The following ATP2C1 variants were observed in gnomAD, a reference collection of about 807,000 sequenced individuals.
ATP2C1 encodes calcium-transporting ATPase type 2C member 1.
Under a neutral mutation model 120.5 loss-of-function variants are expected in ATP2C1, and 31 were observed. That is an observed-to-expected ratio of 0.26 (90% confidence interval 0.19 to 0.35). ATP2C1 has a LOEUF of 0.35. ATP2C1 is among the 10% of genes least tolerant of loss of function. The pLI is 1.00. For missense variants in ATP2C1, 731 were observed against 1,107.5 expected, an observed-to-expected ratio of 0.66 and a Z score of 4.83; for synonymous variants, 351 against 358.7, an observed-to-expected ratio of 0.98 and a Z score of 0.24.
chr3:130,863,772 G>C (rs1366525705), intron 1 of ATP2C1, among the ~76,000 whole-genome samples: 1 of 152,138 alleles, frequency 6.6e-6, no homozygotes, highest in Non-Finnish European at 1.5e-5. Flanking sequence ...AGGGGTTTCT[G>C]CTTTTGCTTC....
chr3:130,906,251 T>C (rs1393705754), intron 2 of ATP2C1, among the ~76,000 whole-genome samples: 1 of 152,052 alleles, frequency 6.6e-6, no homozygotes, highest in East Asian at 1.9e-4. Flanking sequence ...CCCCTTTCGC[T>C]AGCCCCTGGT....
chr3:130,956,928 A>G (rs956195490), intron 11 of ATP2C1, among the ~76,000 whole-genome samples: 1 of 152,036 alleles, frequency 6.6e-6, no homozygotes, highest in South Asian at 2.1e-4. Flanking sequence ...AGCTTTTTAT[A>G]TGACTAGATT....
chr3:130,939,975 G>A (rs1299722136), intron 6 of ATP2C1, among the ~76,000 whole-genome samples: 4 of 152,174 alleles, frequency 2.6e-5, no homozygotes, highest in African/African-American at 9.6e-5. Flanking sequence ...GACTGCTCAT[G>A]GAAATGTGGA....
rs1298413924 is a variant in ATP2C1 at position 131,001,688 on chromosome 3, T to C, written c.*338T>C. 6.2e-6 allele frequency: 6 copies of C among 972,950 alleles called. No homozygotes were observed. Among genetic ancestry groups the C allele is most frequent in the Middle Eastern group, 5.2e-4 (1 of 1,906 alleles). 60.3% of individuals were successfully genotyped at this position (972,950 alleles called of 1,614,324 possible). The stretch of plus-strand genomic sequence containing the variant: ...AAATACACTATCTATCTTAGATAGA[T>C]ATATTTTTTTTTATTTTTAAATATT... On this transcript the variant is annotated 3_prime_UTR_variant, in exon 28 of 28. Coordinates refer to ENST00000510168, the MANE Select transcript of ATP2C1 (RefSeq NM_001378687.1).
chr3:130,970,919 T>C lies in ATP2C1; in HGVS notation c.1413+1523T>C, dbSNP rs542109379. On this transcript the variant is annotated intron_variant, in intron 17 of 27. Transcript: ENST00000510168. ...TTGAATTGAAGTCTTCCAGGAACTA[T>C]GTTCATGAGGGCCAAAAAAAAGATT... 1.6e-3 allele frequency among the ~76,000 whole-genome samples: 242 copies of C among 152,262 alleles called. 1 individual carries two copies. Among genetic ancestry groups the C allele is most frequent in the South Asian group, 0.011 (51 of 4,824 alleles).
intron 2 of ATP2C1, among the ~76,000 whole-genome samples, chr3:130,906,425 G>C (rs540177984): frequency 3.9e-5 from 6 of 152,080 alleles, no homozygotes; most frequent in Admixed American, 3.9e-4. Flanking sequence ...TACACATTTT[G>C]TTTATTCATC....
chr3:130,999,436 G>A (rs928138100), intron 26 of ATP2C1, 82 bp from the exon 27 acceptor site: 2 of 1,417,758 alleles, frequency 1.4e-6, no homozygotes, highest in Admixed American at 3.4e-5. Context: ...GACACTGCTT[G>A]TTAAAAATTA....
chr3:130,856,283 TAATTTGAATTTTAG>T (rs1156506258), intron 1 of ATP2C1: 1 of 152,212 alleles, frequency 6.6e-6, no homozygotes, highest in Non-Finnish European at 1.5e-5. Flanking sequence ...TATTTGAATT[TAATTTGAATTTTAG>T]AAACTTATTT....
intron 1 of ATP2C1, among the ~76,000 whole-genome samples, chr3:130,858,248 T>C (rs1342580093): frequency 1.3e-5 from 2 of 152,084 alleles, no homozygotes; most frequent in Non-Finnish European, 2.9e-5. Flanking sequence ...CCAGGAACAA[T>C]ACTTTGCATC....
intron 27 of ATP2C1, among the ~76,000 whole-genome samples, chr3:131,000,288 T>C (rs537505188): frequency 1.3e-4 from 20 of 152,328 alleles, no homozygotes; most frequent in African/African-American, 4.8e-4. Flanking sequence ...AAAGGAGTTA[T>C]ACAGTTTCAC....
intron 8 of ATP2C1, 42 bp from the exon 9 acceptor site, chr3:130,953,779 G>A (rs2060469406): frequency 6.2e-7 from 1 of 1,609,012 alleles, no homozygotes. Flanking sequence ...GATGTTAAAT[G>A]TAGCACAAAA....
Position 130,934,698 on chromosome 3 carries a change from T to A in ATP2C1, c.311T>A (p.Val104Asp). Residue 104 changes from valine (V) to aspartate (D), a missense_variant, in exon 5 of 28, where the codon GTC becomes GAC. By Grantham distance (152) the Val-to-Asp change is radical. This residue lies in a region of ATP2C1 where 571 missense variants were observed against 845.9 expected (regional missense o/e 0.67). Transcript: ENST00000510168. ...TTAATGCATCAGTTTGATGATGCCG[T>A]CAGTATCACTGTGGTAAGAAAAAAA... ...SVLMHQFDDA[V>D]SITVAILIVV... is the part of the protein sequence containing the mutation. The A allele has an allele frequency of 6.2e-7, 1 of 1,606,572 alleles. No individual in the cohort carries two copies. Among genetic ancestry groups the A allele is most frequent in the Non-Finnish European group, 8.5e-7 (1 of 1,173,258 alleles).
chr3:130,953,030 T>G (rs1394198070), intron 8 of ATP2C1, among the ~76,000 whole-genome samples: 5 of 152,212 alleles, frequency 3.3e-5, no homozygotes, highest in Admixed American at 3.3e-4. Flanking sequence ...GTTTAACTCT[T>G]AACTATTTCT....
intron 9 of ATP2C1, among the ~76,000 whole-genome samples, chr3:130,954,400 A>G (rs2060489179): frequency 6.6e-6 from 1 of 152,242 alleles, no homozygotes; most frequent in Admixed American, 6.5e-5. Context: ...AAAAGAAACT[A>G]TATTAAATGT....
intron 26 of ATP2C1, among the ~76,000 whole-genome samples, chr3:131,010,253 C>T (rs1157858123): frequency 4.2e-5 from 6 of 143,196 alleles, no homozygotes; most frequent in South Asian, 2.2e-4. Context: ...TGCAGTGGAA[C>T]GATCTCGGCT....
chr3:130,893,952 T>A (rs1321147619), upstream of ATP2C1: 1 of 985,660 alleles, frequency 1.0e-6, no homozygotes, highest in Non-Finnish European at 1.2e-6. Flanking sequence ...TGAACACGAA[T>A]GCGCCTGCGC....
chr3:130,909,472 CT>C (rs1400705506), intron 2 of ATP2C1, among the ~76,000 whole-genome samples: 1 of 152,162 alleles, frequency 6.6e-6, no homozygotes, highest in Non-Finnish European at 1.5e-5. Context: ...GCCCTTCATA[CT>C]TCTCTAGGCC....
chr3:130,944,295 A>C (rs951516380), intron 8 of ATP2C1, among the ~76,000 whole-genome samples: 4 of 152,124 alleles, frequency 2.6e-5, no homozygotes, highest in Admixed American at 2.0e-4. Flanking sequence ...ACTGTTGTAC[A>C]ACTTTTATCT....
intron 14 of ATP2C1, 27 bp downstream of exon 14, chr3:130,965,072 CAAAA>C (rs1559983685): frequency 1.3e-6 from 2 of 1,504,542 alleles, no homozygotes; most frequent in Non-Finnish European, 1.8e-6. Context: ...TAAAAACAAA[CAAAA>C]ACAGTATCCC....
Sources: allele counts gnomAD v4.1 joint callset (sites outside exome capture counted in the v4.1 genomes callset), GRCh38; gene constraint gnomAD v4.1.1; regional missense constraint gnomAD v4.1.1; transcripts MANE v1.5; gene names NCBI Gene and HGNC (gene_info 2026-07-23, HGNC 2026-07-21).